The following SSBP3 variants were observed in gnomAD, a reference collection of about 807,000 sequenced individuals.
SSBP3 encodes the protein single stranded DNA binding protein 3, also known as single-stranded DNA-binding protein 3.
A neutral mutation model predicts 69.6 loss-of-function variants in SSBP3; 5 were observed. That is an observed-to-expected ratio of 0.07 (90% CI 0.04 to 0.15). The LOEUF is 0.15. Among genes scored for constraint, SSBP3 ranks in the 10% least tolerant of loss-of-function variants. The pLI, the probability that SSBP3 is intolerant of heterozygous loss-of-function variation, is 1.00. For missense variants in SSBP3, 312 were observed against 534.0 expected, an observed-to-expected ratio of 0.58 and a Z score of 4.10; for synonymous variants, 196 against 193.4, an observed-to-expected ratio of 1.01 and a Z score of -0.11.
chr1:54,259,647 T>C lies in SSBP3; in HGVS notation c.367-1498A>G, dbSNP rs559320116. On this transcript the variant is annotated intron_variant, in intron 5 of 17. Transcript: ENST00000610401. ...CTAGGTAGGGTTTCCCCCTTGGCCT[T>C]CTCCTGCAGAGCCAGGCTGCCAGCC... Among the ~76,000 whole-genome samples, 6 of 152,356 alleles carry C rather than the reference T, an allele frequency of 3.9e-5. No homozygotes were observed. The South Asian group carries it at 1.0e-3, about 26-fold the overall frequency.
intron 4 of SSBP3, among the ~76,000 whole-genome samples, chr1:54,327,206 A>G (rs879529474): frequency 2.1e-5 from 3 of 143,014 alleles, no homozygotes; most frequent in African/African-American, 8.0e-5. Context: ...GCTCAACAGG[A>G]AAGAGAGGGA....
At chr1:54,336,339 C>T (rs945915632) in intron 4 of SSBP3, among the ~76,000 whole-genome samples, 1 of 152,200 alleles carries the variant, frequency 6.6e-6, no homozygotes, top group Non-Finnish European at 1.5e-5. Context: ...CTTCCTGAAG[C>T]CCTCAGAGGC....
chr1:54,290,634 A>G (rs773029147), intron 4 of SSBP3, among the ~76,000 whole-genome samples: 1 of 152,212 alleles, frequency 6.6e-6, no homozygotes, highest in Non-Finnish European at 1.5e-5. Context: ...ACTGGATCAA[A>G]GGTCACTGTT....
At chr1:54,380,761 G>A (rs1402157217) in intron 4 of SSBP3, among the ~76,000 whole-genome samples, 1 of 152,152 alleles carries the variant, frequency 6.6e-6, no homozygotes, top group Non-Finnish European at 1.5e-5. Context: ...GGTTGGGGGT[G>A]TTGGTAAAGC....
At chr1:54,360,562 G>A (rs911720317) in intron 4 of SSBP3, among the ~76,000 whole-genome samples, 1 of 152,158 alleles carries the variant, frequency 6.6e-6, no homozygotes, top group East Asian at 1.9e-4. Context: ...GAATGGCTTT[G>A]ATCACAGAAA....
chr1:54,350,980 A>C (rs962004264), intron 4 of SSBP3, among the ~76,000 whole-genome samples: 1 of 152,006 alleles, frequency 6.6e-6, no homozygotes, highest in South Asian at 2.1e-4. Flanking sequence ...ACGTGCCGCC[A>C]AGCCCAGCTA....
At chr1:54,405,613 G>T in intron 1 of SSBP3, 1 of 154,070 alleles carries the variant, frequency 6.5e-6, no homozygotes, top group Non-Finnish European at 1.4e-5. Flanking sequence ...CGCGGGGAGC[G>T]CCCGGCTGGG....
chr1:54,382,985 C>CAAAA (rs781100304), intron 4 of SSBP3, among the ~76,000 whole-genome samples: 1 of 89,956 alleles, frequency 1.1e-5, no homozygotes, highest in Non-Finnish European at 2.3e-5. Flanking sequence ...AACTCCATGA[C>CAAAA]AAAAAAAAAA....
chr1:54,300,619 C>T (rs1275191345), intron 4 of SSBP3, among the ~76,000 whole-genome samples: 1 of 152,176 alleles, frequency 6.6e-6, no homozygotes, highest in Non-Finnish European at 1.5e-5. Flanking sequence ...CTTCACAGAG[C>T]GGTGACATCT....
chr1:54,240,285 C>A (rs905019274), intron 13 of SSBP3, among the ~76,000 whole-genome samples: 2 of 151,216 alleles, frequency 1.3e-5, no homozygotes, highest in African/African-American at 4.9e-5. Flanking sequence ...TGGTGAAACC[C>A]CATCTCTACT....
chr1:54,281,555 G>A (rs1469112960), intron 4 of SSBP3, 28 bp from the exon 5 acceptor site: 3 of 1,546,452 alleles, frequency 1.9e-6, no homozygotes, highest in African/African-American at 2.7e-5. Flanking sequence ...CAGAGAGTTA[G>A]TGGCCAAACC....
chr1:54,251,966 C>A, intron 7 of SSBP3, 106 bp from the exon 8 acceptor site: 4 of 922,912 alleles, frequency 4.3e-6, no homozygotes, highest in Non-Finnish European at 5.2e-6. Context: ...CACGTGGAGC[C>A]ACTCATGGCC....
At chr1:54,313,600 T>C (rs1349177258) in intron 4 of SSBP3, among the ~76,000 whole-genome samples, 1 of 152,122 alleles carries the variant, frequency 6.6e-6, no homozygotes, top group Non-Finnish European at 1.5e-5. Context: ...CTGGGGTCAA[T>C]GCCTAAGGTC....
intron 4 of SSBP3, among the ~76,000 whole-genome samples, chr1:54,376,222 C>T (rs1396726909): frequency 6.6e-6 from 1 of 152,012 alleles, no homozygotes; most frequent in Non-Finnish European, 1.5e-5. Flanking sequence ...GTCTCACACA[C>T]CTCTAAGAGG....
intron 4 of SSBP3, among the ~76,000 whole-genome samples, chr1:54,327,494 G>A (rs186741707): frequency 1.3e-5 from 2 of 152,200 alleles, no homozygotes; most frequent in East Asian, 3.9e-4. Context: ...TGACCTCAAG[G>A]CTCAGGGGAC....
rs76645724 is a variant in SSBP3, at chr1:54,322,663, G to GA, written c.277-41137dup. 1.0e-3 allele frequency among the ~76,000 whole-genome samples: 144 copies of GA among 142,912 alleles called. No individual in the cohort carries two copies. In the Middle Eastern group the frequency reaches 0.025, roughly 25 times the overall value. 93.8% of individuals were successfully genotyped at this position (142,912 alleles called of 152,430 possible). On this transcript the variant is annotated intron_variant, in intron 4 of 17. Coordinates refer to ENST00000610401, the Ensembl canonical transcript of SSBP3. The stretch of plus-strand genomic sequence containing the variant: ...CCCTGCAGGAAGGACAAAAGAAAAG[G>GA]AAAAAAAAAAAGGGAATACCCACTC...
chr1:54,292,310 T>C (rs1468503557), intron 4 of SSBP3, among the ~76,000 whole-genome samples: 2 of 152,204 alleles, frequency 1.3e-5, no homozygotes, highest in South Asian at 2.1e-4. Flanking sequence ...GAGAGGACTA[T>C]AGCTTGGCCT....
At chr1:54,248,707 G>A (rs1037431158) in intron 9 of SSBP3, among the ~76,000 whole-genome samples, 2 of 152,148 alleles carry the variant, frequency 1.3e-5, no homozygotes, top group South Asian at 2.1e-4. Context: ...AACCTTGTCT[G>A]GGCCCAGTGC....
chr1:54,353,031 G>A (rs908854440), intron 4 of SSBP3, among the ~76,000 whole-genome samples: 4 of 152,066 alleles, frequency 2.6e-5, no homozygotes, highest in Non-Finnish European at 5.9e-5. Context: ...GAGGCGGCCC[G>A]ACCGGACAGC....
Sources: allele counts gnomAD v4.1 joint callset (sites outside exome capture counted in the v4.1 genomes callset), GRCh38; gene constraint gnomAD v4.1.1; transcripts MANE v1.5; gene names NCBI Gene and HGNC (gene_info 2026-07-23, HGNC 2026-07-21).